FOXJ3: variants seen among roughly 807,000 people sequenced by gnomAD.
The protein encoded by FOXJ3 is forkhead box J3.
Under a neutral mutation model 76.1 loss-of-function variants are expected in FOXJ3, and 22 were observed. That is an observed-to-expected ratio of 0.29 (90% CI 0.21 to 0.41). The LOEUF is 0.41. Ranked by LOEUF, FOXJ3 falls within the 10% of genes least tolerant of loss-of-function variation. The pLI is 1.00. For missense variants in FOXJ3, 613 were observed against 762.1 expected (o/e 0.80, Z 2.30); for synonymous variants, 269 against 261.2 (o/e 1.03, Z -0.29).
chr1:42,205,056 A>C (rs1159996222), intron 6 of FOXJ3, among the ~76,000 whole-genome samples: 2 of 152,190 alleles, frequency 1.3e-5, no homozygotes, highest in East Asian at 1.9e-4. Context: ...GAATCTAAGC[A>C]TAAGTGTGAG....
At chr1:42,303,247 G>C (rs1654266905) in intron 2 of FOXJ3, among the ~76,000 whole-genome samples, 1 of 152,134 alleles carries the variant, frequency 6.6e-6, no homozygotes, top group Non-Finnish European at 1.5e-5. Context: ...ATATCTTTGA[G>C]TTACTTAACT....
chr1:42,266,288 A>C (rs1467036691), intron 3 of FOXJ3, among the ~76,000 whole-genome samples: 1 of 152,156 alleles, frequency 6.6e-6, no homozygotes, highest in Non-Finnish European at 1.5e-5. Flanking sequence ...GAAATTTAAA[A>C]CTTATGCTTG....
At chr1:42,180,850 G>T (rs972976226) in intron 12 of FOXJ3, among the ~76,000 whole-genome samples, 1 of 152,194 alleles carries the variant, frequency 6.6e-6, no homozygotes, top group Admixed American at 6.5e-5. Flanking sequence ...AGGTAGGAGG[G>T]TTAGGTAGCT....
chr1:42,189,458 G>A (rs537086520), intron 9 of FOXJ3, 54 bp from the exon 10 acceptor site: 81 of 1,312,248 alleles, frequency 6.2e-5, no homozygotes, highest in Middle Eastern at 3.6e-4. Context: ...GTGAAGTGTG[G>A]TAAGGGAAAA....
rs890807828 is a variant in FOXJ3 at position 42,179,646 on chromosome 1, T to C, written c.*64A>G. Reference sequence around the variant, plus strand: ...GTTTGTTTTCTCAACTGGATTCTCTTAAACCTTTCCCTTCACTGCACAGAA... The same window carrying C: ...GTTTGTTTTCTCAACTGGATTCTCTCAAACCTTTCCCTTCACTGCACAGAA... On this transcript the variant is annotated 3_prime_UTR_variant, in exon 13 of 13. Transcript: ENST00000361346. 18 of 1,014,092 alleles carry C rather than the reference T, an allele frequency of 1.8e-5. No homozygotes were observed. The highest frequency in any genetic ancestry group is 2.0e-5 in the Non-Finnish European group (13 of 643,814). The allele number at this position is 1,014,092 out of a possible 1,614,324, so 62.8% of individuals were successfully genotyped here. A position where few individuals can be genotyped will look rare whatever the true frequency, so the allele number is the denominator to read the frequency against.
rs986401959 is a variant in FOXJ3, at chr1:42,286,590, T to G, written c.45-7918A>C. On this transcript the variant is annotated intron_variant, in intron 2 of 12. Coordinates refer to ENST00000361346, the MANE Select transcript of FOXJ3 (RefSeq NM_014947.5). ...CACATAGTAACTGCTCATATTGTTA[T>G]CAAGTTAATATTAATATGAAGTTCA... 3.5e-4 allele frequency among the ~76,000 whole-genome samples: 54 copies of G among 152,236 alleles called. 2 individuals carry two copies. Among genetic ancestry groups the G allele is most frequent in the Non-Finnish European group, 1.5e-5 (1 of 68,036 alleles).
chr1:42,237,689 A>T lies in FOXJ3; in HGVS notation c.445-9723T>A, dbSNP rs558299941. Among the ~76,000 whole-genome samples the T allele has an allele frequency of 1.4e-4, 21 of 151,324 alleles. 1 individual carries two copies. The highest frequency in any genetic ancestry group is 3.4e-3 in the Middle Eastern group (1 of 294). On this transcript the variant is annotated intron_variant, in intron 4 of 12. Transcript: ENST00000361346. The stretch of plus-strand genomic sequence containing the variant: ...ATATGTGCTTTATATCTTTTTTTTT[A>T]AATTTGCCTACTCCAAGATAGCAAA...
In FOXJ3 at chr1:42,188,844, T is replaced by C; in HGVS notation, c.1538A>G (p.Asn513Ser). ...AAGGCCAGTTTGTGTAAAGAACTGA[T>C]TAAGAGAAGAACAAAGATCGGCAAA... ...VQFADLCSSL[N>S]QFFTQTGLIH... The change falls in exon 11 of 13, where the codon AAT (asparagine) becomes AGT (serine). Residue 513 changes from asparagine (N) to serine (S), a missense_variant. Physicochemically the swap from Asn to Ser is conservative, Grantham distance 46. Coordinates refer to ENST00000361346, the MANE Select transcript of FOXJ3 (RefSeq NM_014947.5). 6.2e-7 allele frequency: 1 copy of C among 1,613,316 alleles called. No homozygotes were observed.
At chr1:42,316,983 A>G (rs1174778374) in intron 1 of FOXJ3, among the ~76,000 whole-genome samples, 4 of 152,226 alleles carry the variant, frequency 2.6e-5, no homozygotes, top group African/African-American at 7.2e-5. Flanking sequence ...GAACTTATTC[A>G]TGTAACTAAG....
chr1:42,311,449 A>C (rs544509979), intron 1 of FOXJ3, among the ~76,000 whole-genome samples: 3 of 152,182 alleles, frequency 2.0e-5, no homozygotes, highest in Non-Finnish European at 4.4e-5. Context: ...AAGTGTCCAA[A>C]CTGTTTTAGT....
intron 2 of FOXJ3, among the ~76,000 whole-genome samples, chr1:42,281,385 T>C (rs1216704060): frequency 6.6e-6 from 1 of 151,862 alleles, no homozygotes; most frequent in African/African-American, 2.4e-5. Context: ...AGGAAGAACT[T>C]AGCAAGTCTT....
At chr1:42,226,474 C>T (rs1200805976) in intron 5 of FOXJ3, among the ~76,000 whole-genome samples, 3 of 152,106 alleles carry the variant, frequency 2.0e-5, no homozygotes, top group African/African-American at 7.2e-5. Context: ...TAGCCGGGCA[C>T]AGTGGGTGCC....
chr1:42,272,591 C>A (rs1246374161), intron 3 of FOXJ3, among the ~76,000 whole-genome samples: 1 of 152,212 alleles, frequency 6.6e-6, no homozygotes, highest in South Asian at 2.1e-4. Context: ...CTAAGAGCAA[C>A]ATCATCCTTC....
At chr1:42,219,134 A>G (rs1173816299) in intron 5 of FOXJ3, among the ~76,000 whole-genome samples, 3 of 152,224 alleles carry the variant, frequency 2.0e-5, no homozygotes, top group African/African-American at 4.8e-5. Flanking sequence ...TATGGTCTAA[A>G]AATTTTAAAG....
At chr1:42,314,617 C>T (rs537568734) in intron 1 of FOXJ3, among the ~76,000 whole-genome samples, 2 of 152,324 alleles carry the variant, frequency 1.3e-5, no homozygotes, top group African/African-American at 4.8e-5. Flanking sequence ...TGTGTCTGCT[C>T]TGCTGACCCA....
intron 4 of FOXJ3, among the ~76,000 whole-genome samples, chr1:42,251,977 A>G (rs1458731109): frequency 6.6e-6 from 1 of 151,834 alleles, no homozygotes; most frequent in Non-Finnish European, 1.5e-5. Flanking sequence ...TCGGCCTCCC[A>G]AAGTGCTGGG....
At chr1:42,272,331 GA>G (rs1651923117) in intron 3 of FOXJ3, among the ~76,000 whole-genome samples, 1 of 152,236 alleles carries the variant, frequency 6.6e-6, no homozygotes, top group African/African-American at 2.4e-5. Flanking sequence ...TAAGGAGAGT[GA>G]ATGGGAAGTA....
intron 1 of FOXJ3, among the ~76,000 whole-genome samples, chr1:42,334,722 T>C (rs565652342): frequency 2.0e-5 from 3 of 151,794 alleles, no homozygotes; most frequent in East Asian, 2.0e-4. Flanking sequence ...AGACGGTCGC[T>C]GCCCTCGGAC....
At chr1:42,245,290 A>T (rs1649463773) in intron 4 of FOXJ3, among the ~76,000 whole-genome samples, 1 of 152,180 alleles carries the variant, frequency 6.6e-6, no homozygotes, top group Non-Finnish European at 1.5e-5. Flanking sequence ...CCCAAAAATT[A>T]AAGAGGAAGG....
Sources: allele counts gnomAD v4.1 joint callset (sites outside exome capture counted in the v4.1 genomes callset), GRCh38; gene constraint gnomAD v4.1.1; transcripts MANE v1.5; gene names NCBI Gene and HGNC (gene_info 2026-07-23, HGNC 2026-07-21).